SLC22A25: variants seen among roughly 807,000 people sequenced by gnomAD.
SLC22A25 encodes MGI:2442751, MGI:2385316, MGI:3042283, MGI:3645714, MGI:3605624, MGI:2442750.
In SLC22A25, 44 loss-of-function variants were observed where a neutral mutation model predicts 45.9. The observed-to-expected ratio is 0.96, with a 90% CI of 0.75 to 1.23. The LOEUF (loss-of-function observed/expected upper bound fraction) is 1.23. Among genes scored for constraint, SLC22A25 ranks in the 50% most tolerant of loss-of-function variants. The pLI, the probability that SLC22A25 is intolerant of heterozygous loss-of-function variation, is 0.00. For missense variants in SLC22A25, 800 were observed against 666.4 expected (o/e 1.20, Z -2.21); for synonymous variants, 283 against 238.6 (o/e 1.19, Z -1.72).
intron 7 of SLC22A25, among the ~76,000 whole-genome samples, chr11:63,192,978 A>C (rs1370788997): frequency 6.6e-6 from 1 of 152,228 alleles, no homozygotes; most frequent in Non-Finnish European, 1.5e-5. Context: ...CACTGGATCA[A>C]ATGGTCCTGA....
At chr11:63,192,630 A>T (rs2088855972) in intron 7 of SLC22A25, among the ~76,000 whole-genome samples, 2 of 152,210 alleles carry the variant, frequency 1.3e-5, no homozygotes, top group Non-Finnish European at 2.9e-5. Context: ...CTCAAAGTTA[A>T]GGGATGTAGA....
At position 63,238,830 on chromosome 11, in the gene SLC22A25, C is replaced by A; in HGVS notation, c.-690G>T. ...ATGTCCCATTCAGGTGAAGGAGCTGCCACTGGGGATGGATGAAGTGACAAC... is the reference window on the plus strand; with the variant it reads ...ATGTCCCATTCAGGTGAAGGAGCTGACACTGGGGATGGATGAAGTGACAAC... On this transcript the variant is annotated 5_prime_UTR_variant, in exon 2 of 12. Coordinates refer to ENST00000306494, the MANE Select transcript of SLC22A25 (RefSeq NM_199352.6). 1 of 252,456 alleles carries A rather than the reference C, an allele frequency of 4.0e-6. No homozygotes were observed. 15.6% of individuals were successfully genotyped at this position (252,456 alleles called of 1,614,324 possible).
intron 7 of SLC22A25, among the ~76,000 whole-genome samples, chr11:63,191,930 C>T (rs2088830498): frequency 6.6e-6 from 1 of 152,108 alleles, no homozygotes; most frequent in Admixed American, 6.6e-5. Context: ...AGTTTCCCAA[C>T]TTAGCTAGAG....
At chr11:63,177,001 GA>G (rs920967061) in intron 9 of SLC22A25, among the ~76,000 whole-genome samples, 2 of 151,862 alleles carry the variant, frequency 1.3e-5, no homozygotes, top group Admixed American at 1.3e-4. Flanking sequence ...CTTCATTTTT[GA>G]AGGCCAGTTT....
chr11:63,164,640 G>A lies in SLC22A25; in HGVS notation c.1286-6C>T, dbSNP rs372247903. On this transcript the variant is annotated splice_region_variant and splice_polypyrimidine_tract_variant and intron_variant, in intron 10 of 11. Transcript: ENST00000306494. ...CACACGCAGGGTCTGCATTTCTGGA[G>A]AAAGGAAGACCACAGGGCCTCAGGA... is the stretch of plus-strand genomic sequence containing the variant. 1.1e-4 allele frequency: 180 copies of A among 1,611,932 alleles called. 1 individual carries two copies. The African/African-American group carries it at 2.3e-3, about 21-fold the overall frequency.
Position 63,195,897 on chromosome 11 carries a change from G to A in SLC22A25, c.831-12080C>T, listed in dbSNP as rs952348468. On this transcript the variant is annotated intron_variant, in intron 7 of 11. Transcript: ENST00000306494. The stretch of plus-strand genomic sequence containing the variant: ...GAAAAGAGAGAAGAATCAAATAGAC[G>A]CAATAAAAAATGACAAAGGGGATAT... Among the ~76,000 whole-genome samples, 23 of 151,994 alleles carry A rather than the reference G, an allele frequency of 1.5e-4. 1 individual carries two copies. The highest frequency in any genetic ancestry group is 6.3e-3 in the Middle Eastern group (2 of 316).
rs2090032491 is a variant in SLC22A25, at chr11:63,229,614, C to T, written c.39G>A (p.Leu13=). The T allele has an allele frequency of 4.3e-6, 7 of 1,610,902 alleles. No individual in the cohort carries two copies. The highest frequency in any genetic ancestry group is 1.7e-5 in the Admixed American group (1 of 59,948). The change falls in exon 4 of 12, where the codon CTG becomes CTA. Residue 13 remains leucine, a synonymous_variant. Coordinates refer to ENST00000306494, the MANE Select transcript of SLC22A25 (RefSeq NM_199352.6). The part of the protein sequence containing the change: ...FQDLLDQVGG[L]GRFQILQMVF... ...CCATCTGAAGGATCTGGAATCTCCC[C>T]AGGCCTCCAACTTGATCTAGGAGGT...
At chr11:63,189,372 G>C (rs2088700941) in intron 7 of SLC22A25, among the ~76,000 whole-genome samples, 1 of 152,082 alleles carries the variant, frequency 6.6e-6, no homozygotes, top group South Asian at 2.1e-4. Context: ...TGCTACCCCT[G>C]CTTTTTTTTG....
At chr11:63,232,596 T>C (rs2090090104) in intron 3 of SLC22A25, among the ~76,000 whole-genome samples, 1 of 152,166 alleles carries the variant, frequency 6.6e-6, no homozygotes, top group Non-Finnish European at 1.5e-5. Context: ...CAATTTGACT[T>C]CCTCTTTTCC....
intron 7 of SLC22A25, among the ~76,000 whole-genome samples, chr11:63,202,270 C>T (rs1461155345): frequency 2.6e-5 from 4 of 151,740 alleles, no homozygotes; most frequent in Admixed American, 6.6e-5. Context: ...TTTTAATACC[C>T]CAGTGGTGCC....
chr11:63,219,114 G>C (rs993576430), intron 5 of SLC22A25, among the ~76,000 whole-genome samples: 1 of 152,074 alleles, frequency 6.6e-6, no homozygotes, highest in Admixed American at 6.6e-5. Context: ...TTAAAATTGT[G>C]ATGAACAACT....
At chr11:63,216,002 A>G (rs549141409) in intron 7 of SLC22A25, among the ~76,000 whole-genome samples, 2 of 152,222 alleles carry the variant, frequency 1.3e-5, no homozygotes, top group South Asian at 2.1e-4. Context: ...ATTTTCATTA[A>G]TCTGTCATTG....
At chr11:63,231,065 G>T (rs573134343) in intron 3 of SLC22A25, among the ~76,000 whole-genome samples, 2 of 152,280 alleles carry the variant, frequency 1.3e-5, no homozygotes, top group African/African-American at 2.4e-5. Context: ...GGACATTTGG[G>T]TTGGTTCCAA....
rs959777681 is a variant in SLC22A25, at chr11:63,239,730, G to C, written c.-995-595C>G. On this transcript the variant is annotated intron_variant, in intron 1 of 11. Coordinates refer to ENST00000306494, the MANE Select transcript of SLC22A25 (RefSeq NM_199352.6). ...AAACATAAGTTTTTCAGAAAGGGCA[G>C]AGTCAGGGTAGTGAAGGAGGGCAGA... Among the ~76,000 whole-genome samples, 4 of 152,306 alleles carry C rather than the reference G, an allele frequency of 2.6e-5. No individual in the cohort carries two copies. The South Asian group carries it at 8.3e-4, about 32-fold the overall frequency.
In SLC22A25 at chr11:63,162,752, T is replaced by C. The variant is rs2087556488; in HGVS notation, c.*1072A>G. On this transcript the variant is annotated 3_prime_UTR_variant, in exon 12 of 12. Transcript: ENST00000306494. The stretch of plus-strand genomic sequence containing the variant: ...CTTATGATTATTTGTAGATATTTTA[T>C]ATTTAACCATTTAGAATCACAGTTG... 6.6e-6 allele frequency among the ~76,000 whole-genome samples: 1 copy of C among 152,228 alleles called. No individual in the cohort carries two copies. Among genetic ancestry groups the C allele is most frequent in the South Asian group, 2.1e-4 (1 of 4,832 alleles).
In SLC22A25 at chr11:63,243,494, G is replaced by T; in HGVS notation, c.-1056C>A. On this transcript the variant is annotated 5_prime_UTR_variant, in exon 1 of 12. Coordinates refer to ENST00000306494, the MANE Select transcript of SLC22A25 (RefSeq NM_199352.6). ...GTCCCATCTGCAACTCCTGGGTGCT[G>T]TCTGCATGTTCCTGGCCTCCAGGCT... The T allele has an allele frequency of 2.6e-6, 2 of 763,240 alleles. No homozygotes were observed. The highest frequency in any genetic ancestry group is 4.9e-6 in the Non-Finnish European group (2 of 407,970). 47.3% of individuals were successfully genotyped at this position (763,240 alleles called of 1,614,324 possible).
chr11:63,216,978 C>A (rs1455347663), intron 7 of SLC22A25, among the ~76,000 whole-genome samples: 1 of 152,030 alleles, frequency 6.6e-6, no homozygotes, highest in African/African-American at 2.4e-5. Context: ...TTAAATGGAA[C>A]CTCCTATGTT....
At chr11:63,179,534 C>G (rs2088243468) in intron 9 of SLC22A25, among the ~76,000 whole-genome samples, 1 of 152,084 alleles carries the variant, frequency 6.6e-6, no homozygotes, top group Non-Finnish European at 1.5e-5. Context: ...TTTTCAGGAA[C>G]TGGCAATCTC....
chr11:63,241,394 T>C (rs1365946847), intron 1 of SLC22A25, among the ~76,000 whole-genome samples: 1 of 152,130 alleles, frequency 6.6e-6, no homozygotes, highest in Admixed American at 6.6e-5. Context: ...TCTCTCCTTC[T>C]TCCACGGTGT....
Sources: allele counts gnomAD v4.1 joint callset (sites outside exome capture counted in the v4.1 genomes callset), GRCh38; gene constraint gnomAD v4.1.1; transcripts MANE v1.5; gene names NCBI Gene and HGNC (gene_info 2026-07-23, HGNC 2026-07-21).